The following GRIK2 variants were observed in gnomAD, a reference collection of about 807,000 sequenced individuals.
The protein encoded by GRIK2 is glutamate ionotropic receptor kainate type subunit 2.
GRIK2 carries 32 observed loss-of-function variants against 100.3 expected under a neutral mutation model. That is an observed-to-expected ratio of 0.32 (90% CI 0.24 to 0.43). The LOEUF (loss-of-function observed/expected upper bound fraction) is 0.43. Among genes scored for constraint, GRIK2 ranks in the 20% least tolerant of loss-of-function variants. GRIK2 has a pLI of 1.00. For synonymous variants in GRIK2, 417 were observed against 389.4 expected, an observed-to-expected ratio of 1.07 and a Z score of -0.83; for missense variants, 843 against 1,114.9, an observed-to-expected ratio of 0.76 and a Z score of 3.47.
intron 7 of GRIK2, among the ~76,000 whole-genome samples, chr6:101,795,455 T>C (rs543866200): frequency 6.6e-6 from 1 of 152,296 alleles, no homozygotes; most frequent in East Asian, 1.9e-4. Flanking sequence ...TTTAGGCTCC[T>C]GTGTGGCATA....
chr6:101,909,371 GTTTTCTTTTTC>G (rs1405572723), intron 12 of GRIK2, among the ~76,000 whole-genome samples: 7 of 83,536 alleles, frequency 8.4e-5, no homozygotes, highest in African/African-American at 2.2e-4. Context: ...GGAAGATAGG[GTTTTCTTTTTC>G]TTTTTTTTTT....
chr6:101,647,739 G>A (rs964499915), intron 4 of GRIK2, among the ~76,000 whole-genome samples: 2 of 151,980 alleles, frequency 1.3e-5, no homozygotes, highest in African/African-American at 4.8e-5. Context: ...TATTTTAAAA[G>A]GGCAGGCAAT....
chr6:101,608,689 T>C (rs1304756898), intron 2 of GRIK2, among the ~76,000 whole-genome samples: 3 of 151,846 alleles, frequency 2.0e-5, no homozygotes, highest in Non-Finnish European at 4.4e-5. Flanking sequence ...TTAGAACAAA[T>C]GCTTTAAAAC....
At chr6:101,860,814 A>G (rs1582400717) in intron 11 of GRIK2, 1 of 189,964 alleles carries the variant, frequency 5.3e-6, no homozygotes, top group African/African-American at 2.4e-5. Flanking sequence ...TTTCAAGGTT[A>G]CTATGGGGTT....
chr6:101,770,945 AT>A (rs1207972934), intron 7 of GRIK2, among the ~76,000 whole-genome samples: 1 of 152,196 alleles, frequency 6.6e-6, no homozygotes, highest in Admixed American at 6.5e-5. Flanking sequence ...TTCTACAAAA[AT>A]GTCTTAAAAA....
chr6:101,894,874 A>C (rs185310524), intron 12 of GRIK2, among the ~76,000 whole-genome samples: 1 of 151,720 alleles, frequency 6.6e-6, no homozygotes, highest in Non-Finnish European at 1.5e-5. Context: ...TGATGTACAG[A>C]GATGAATAAC....
At chr6:101,499,162 A>C (rs569805076) in intron 2 of GRIK2, among the ~76,000 whole-genome samples, 4 of 152,208 alleles carry the variant, frequency 2.6e-5, no homozygotes, top group African/African-American at 9.6e-5. Context: ...AGACAACCTT[A>C]TTTTTTATTA....
chr6:101,963,509 C>CTTTTT lies in GRIK2; in HGVS notation c.2085+34889_2085+34893dup, dbSNP rs770178884. 5.6e-3 allele frequency among the ~76,000 whole-genome samples: 595 copies of CTTTTT among 106,068 alleles called. 5 individuals are homozygous for CTTTTT. The highest frequency in any genetic ancestry group is 0.018 in the African/African-American group (463 of 26,182). 69.6% of individuals were successfully genotyped at this position (106,068 alleles called of 152,430 possible). A position where few individuals can be genotyped will look rare whatever the true frequency, so the allele number is the denominator to read the frequency against. ...TTTTTCTCTTTTTCTTTCTTTCTTT[C>CTTTTT]TTTTTTTTTTTTTTTTGTATTTTTA... On this transcript the variant is annotated intron_variant, in intron 14 of 16. Transcript: ENST00000369134.
intron 2 of GRIK2, among the ~76,000 whole-genome samples, chr6:101,475,677 A>G (rs1418614082): frequency 6.6e-6 from 1 of 151,888 alleles, no homozygotes; most frequent in Non-Finnish European, 1.5e-5. Flanking sequence ...AGGAAGAAAA[A>G]TAAGTTATTC....
intron 14 of GRIK2, among the ~76,000 whole-genome samples, chr6:101,931,573 C>T (rs567284311): frequency 1.3e-5 from 2 of 152,200 alleles, no homozygotes; most frequent in African/African-American, 2.4e-5. Context: ...TCTTCAACAT[C>T]GAATAATTCC....
At chr6:101,920,279 A>G (rs1049457670) in intron 12 of GRIK2, among the ~76,000 whole-genome samples, 2 of 151,920 alleles carry the variant, frequency 1.3e-5, no homozygotes, top group African/African-American at 2.4e-5. Context: ...CTCATCCCCA[A>G]TCGAGAGAAC....
intron 9 of GRIK2, among the ~76,000 whole-genome samples, chr6:101,812,171 A>G (rs1219133558): frequency 1.3e-5 from 2 of 151,752 alleles, no homozygotes; most frequent in Admixed American, 6.6e-5. Context: ...AATATGGAAA[A>G]CAAAATATGT....
chr6:101,748,897 A>G (rs1413406327), intron 7 of GRIK2, among the ~76,000 whole-genome samples: 1 of 152,170 alleles, frequency 6.6e-6, no homozygotes, highest in African/African-American at 2.4e-5. Context: ...GAAAAACTCC[A>G]ACATTTTAGC....
At chr6:101,495,081 A>G (rs894291969) in intron 2 of GRIK2, among the ~76,000 whole-genome samples, 15 of 149,226 alleles carry the variant, frequency 1.0e-4, no homozygotes, top group African/African-American at 3.2e-4. Flanking sequence ...TATATCAATT[A>G]TGTTCTCTAT....
intron 14 of GRIK2, among the ~76,000 whole-genome samples, chr6:101,989,113 T>C (rs945110811): frequency 7.9e-5 from 12 of 152,046 alleles, no homozygotes; most frequent in African/African-American, 2.7e-4. Context: ...AGCATGTGCA[T>C]CTTAACATCT....
At chr6:101,720,145 G>C (rs1366213025) in intron 7 of GRIK2, among the ~76,000 whole-genome samples, 1 of 151,204 alleles carries the variant, frequency 6.6e-6, no homozygotes, top group Non-Finnish European at 1.5e-5. Context: ...ATCCTCTAGG[G>C]AGCTGTATCA....
At chr6:101,757,609 C>T (rs1010749524) in intron 7 of GRIK2, among the ~76,000 whole-genome samples, 2 of 152,082 alleles carry the variant, frequency 1.3e-5, no homozygotes, top group East Asian at 1.9e-4. Context: ...ATGAGCGATT[C>T]GCCTAAGGAC....
At chr6:101,443,793 T>G (rs950270179) in intron 2 of GRIK2, among the ~76,000 whole-genome samples, 2 of 152,072 alleles carry the variant, frequency 1.3e-5, no homozygotes, top group African/African-American at 4.8e-5. Flanking sequence ...ACATTTGCCC[T>G]ATATCTAATG....
At chr6:101,629,496 GA>G (rs1780612983) in intron 4 of GRIK2, among the ~76,000 whole-genome samples, 1 of 152,002 alleles carries the variant, frequency 6.6e-6, no homozygotes, top group Admixed American at 6.6e-5. Flanking sequence ...CCTATTGAGG[GA>G]CATGTAATAA....
Sources: allele counts gnomAD v4.1 joint callset (sites outside exome capture counted in the v4.1 genomes callset), GRCh38; gene constraint gnomAD v4.1.1; transcripts MANE v1.5; gene names NCBI Gene and HGNC (gene_info 2026-07-23, HGNC 2026-07-21).